The following MARCHF8 variants were observed in gnomAD, a reference collection of about 807,000 sequenced individuals.
MARCHF8 encodes E3 ubiquitin-protein ligase MARCHF8.
MARCHF8 carries 40 observed loss-of-function variants against 51.6 expected under a neutral mutation model. The ratio of observed to expected loss-of-function variants is 0.77; its 90% CI spans 0.60 to 1.01. The LOEUF is 1.01. Ranked by LOEUF, MARCHF8 falls within the 50% of genes least tolerant of loss-of-function variation. The pLI is 0.00. For synonymous variants in MARCHF8, 263 were observed against 280.3 expected (o/e 0.94, Z 0.62); for missense variants, 685 against 708.6 (o/e 0.97, Z 0.38).
rs145085744 is a variant in MARCHF8, at chr10:45,533,608, C to CT, written c.-78-320dup. On this transcript the variant is annotated intron_variant, in intron 1 of 7. Coordinates refer to ENST00000453424, the MANE Select transcript of MARCHF8 (RefSeq NM_001282866.2). ...TTTTAAGAATATTTTTGAAGTTAAACTTTTTTTTTTATCATGACCAAGCAT... is the reference window on the plus strand; with the variant it reads ...TTTTAAGAATATTTTTGAAGTTAAACTTTTTTTTTTTATCATGACCAAGCAT... Among the ~76,000 whole-genome samples, 1,404 of 149,496 alleles carry CT rather than the reference C, an allele frequency of 9.4e-3. 26 individuals are homozygous for CT. The highest frequency in any genetic ancestry group is 0.032 in the African/African-American group (1,313 of 40,800).
chr10:45,572,296 T>G (rs1276782082), intron 1 of MARCHF8, among the ~76,000 whole-genome samples: 1 of 151,540 alleles, frequency 6.6e-6, no homozygotes, highest in Non-Finnish European at 1.5e-5. Context: ...CCACCCCTTT[T>G]CTCCATGTCT....
intron 1 of MARCHF8, among the ~76,000 whole-genome samples, chr10:45,557,794 AC>A (rs2044268881): frequency 6.6e-6 from 1 of 152,162 alleles, no homozygotes; most frequent in South Asian, 2.1e-4. Flanking sequence ...AAGGCTTACC[AC>A]TGCTTAGGCA....
upstream of MARCHF8, among the ~76,000 whole-genome samples, chr10:45,539,964 T>A (rs190574804): frequency 0.024 from 3,644 of 152,178 alleles, 132 homozygotes; most frequent in African/African-American, 0.079. Context: ...TCAAGGAGAA[T>A]AAAATACCTA....
chr10:45,578,640 A>G (rs1351308027), intron 1 of MARCHF8, among the ~76,000 whole-genome samples: 2 of 152,256 alleles, frequency 1.3e-5, no homozygotes, highest in African/African-American at 2.4e-5. Context: ...AGAGAAAAAC[A>G]GTATCATGGC....
At chr10:45,568,140 A>G (rs1301816370) in intron 1 of MARCHF8, among the ~76,000 whole-genome samples, 1 of 152,208 alleles carries the variant, frequency 6.6e-6, no homozygotes, top group Non-Finnish European at 1.5e-5. Context: ...CTGCAGCTTC[A>G]CTGAATTTAC....
In MARCHF8 at chr10:45,461,282, C is replaced by T. The variant is rs991250257; in HGVS notation, c.1218G>A (p.Glu406=). The part of the protein sequence containing the change: ...WIKSSDTRCC[E]LCKYEFIMET... Reference sequence around the variant, plus strand: ...CCATGATGAACTCATACTTGCAGAGCTCGCAGCAGCGCGTGTCGGAGCTCT... The same window carrying T: ...CCATGATGAACTCATACTTGCAGAGTTCGCAGCAGCGCGTGTCGGAGCTCT... The change falls in exon 6 of 8, where the codon GAG becomes GAA. Residue 406 remains glutamate (E), a synonymous_variant. Coordinates refer to ENST00000453424, the MANE Select transcript of MARCHF8 (RefSeq NM_001282866.2). The T allele has an allele frequency of 6.3e-7, 1 of 1,596,514 alleles. No individual in the cohort carries two copies. The highest frequency in any genetic ancestry group is 8.5e-7 in the Non-Finnish European group (1 of 1,172,406).
At chr10:45,507,822 A>AT (rs2043415626) in intron 2 of MARCHF8, among the ~76,000 whole-genome samples, 1 of 152,066 alleles carries the variant, frequency 6.6e-6, no homozygotes, top group Non-Finnish European at 1.5e-5. Context: ...AAAAAAAAAA[A>AT]AAAAGATTTT....
At chr10:45,482,513 G>A (rs2042905549) in intron 3 of MARCHF8, among the ~76,000 whole-genome samples, 1 of 152,164 alleles carries the variant, frequency 6.6e-6, no homozygotes, top group Non-Finnish European at 1.5e-5. Context: ...CAGCACTTTG[G>A]GAGGCCAAGG....
At chr10:45,466,291 C>T (rs1175500069) in intron 3 of MARCHF8, among the ~76,000 whole-genome samples, 1 of 152,352 alleles carries the variant, frequency 6.6e-6, no homozygotes, top group East Asian at 1.9e-4. Context: ...TGAAAGCCTT[C>T]CTGTACTTAT....
At chr10:45,593,795 G>GC (rs1363250510) in intron 1 of MARCHF8, among the ~76,000 whole-genome samples, 1 of 152,176 alleles carries the variant, frequency 6.6e-6, no homozygotes, top group Non-Finnish European at 1.5e-5. Flanking sequence ...TAATTACATA[G>GC]CATGCAATCG....
intron 2 of MARCHF8, among the ~76,000 whole-genome samples, chr10:45,512,105 G>C (rs1439294168): frequency 8.8e-5 from 13 of 147,712 alleles, no homozygotes; most frequent in African/African-American, 3.0e-4. Flanking sequence ...CCGCCGCCCC[G>C]TCTGGGATGT....
At chr10:45,568,704 C>T (rs1381771347) in intron 1 of MARCHF8, among the ~76,000 whole-genome samples, 63 of 101,878 alleles carry the variant, frequency 6.2e-4, no homozygotes, top group Non-Finnish European at 1.1e-3. Context: ...GGTGACAGAG[C>T]GAGACTGTTT....
At chr10:45,495,546 TGA>T (rs2043159082) in intron 2 of MARCHF8, among the ~76,000 whole-genome samples, 1 of 152,074 alleles carries the variant, frequency 6.6e-6, no homozygotes, top group Non-Finnish European at 1.5e-5. Flanking sequence ...TTCCCTTATA[TGA>T]TTAAAAGCAG....
chr10:45,514,416 C>T (rs922721514), intron 2 of MARCHF8, among the ~76,000 whole-genome samples: 9 of 152,236 alleles, frequency 5.9e-5, no homozygotes, highest in Non-Finnish European at 1.0e-4. Context: ...TGCTTGATGC[C>T]GGGGAACAGG....
At chr10:45,537,886 G>T (rs1254392000), upstream of MARCHF8, among the ~76,000 whole-genome samples, 1 of 152,094 alleles carries the variant, frequency 6.6e-6, no homozygotes, top group Admixed American at 6.6e-5. Context: ...TATGGTGCTG[G>T]TTGCAGAACT....
At chr10:45,577,663 C>T (rs191955271) in intron 1 of MARCHF8, among the ~76,000 whole-genome samples, 6 of 152,258 alleles carry the variant, frequency 3.9e-5, no homozygotes, top group Admixed American at 3.9e-4. Flanking sequence ...GCTGCTAGAA[C>T]CATAAGAAAT....
chr10:45,504,578 C>T (rs1373221214), intron 2 of MARCHF8, among the ~76,000 whole-genome samples: 1 of 152,168 alleles, frequency 6.6e-6, no homozygotes, highest in Admixed American at 6.5e-5. Context: ...AAGCCATTAG[C>T]ACAAAGCTAG....
At chr10:45,479,402 A>C (rs1226492774) in intron 3 of MARCHF8, among the ~76,000 whole-genome samples, 1 of 152,220 alleles carries the variant, frequency 6.6e-6, no homozygotes, top group Non-Finnish European at 1.5e-5. Context: ...GAATGGGGGA[A>C]AAGTGAAAGA....
At chr10:45,477,570 T>C (rs967685961) in intron 3 of MARCHF8, among the ~76,000 whole-genome samples, 1 of 152,130 alleles carries the variant, frequency 6.6e-6, no homozygotes, top group Non-Finnish European at 1.5e-5. Flanking sequence ...CACATATCAA[T>C]AGCAACCCTG....
Sources: allele counts gnomAD v4.1 joint callset (sites outside exome capture counted in the v4.1 genomes callset), GRCh38; gene constraint gnomAD v4.1.1; transcripts MANE v1.5; gene names NCBI Gene and HGNC (gene_info 2026-07-23, HGNC 2026-07-21).